RBPMS: variants seen among roughly 807,000 people sequenced by gnomAD.
RBPMS encodes RNA binding protein, mRNA processing factor.
Under a neutral mutation model 26.8 loss-of-function variants are expected in RBPMS, and 7 were observed. The observed-to-expected ratio is 0.26, with a 90% CI of 0.15 to 0.49. RBPMS has a LOEUF of 0.49. Ranked by LOEUF, RBPMS falls within the 20% of genes least tolerant of loss-of-function variation. RBPMS has a pLI of 0.98. For synonymous variants in RBPMS, 96 were observed against 93.3 expected, an observed-to-expected ratio of 1.03 and a Z score of -0.17; for missense variants, 186 against 250.0, an observed-to-expected ratio of 0.74 and a Z score of 1.73.
At chr8:30,514,193 T>C (rs1171993015) in intron 5 of RBPMS, among the ~76,000 whole-genome samples, 2 of 152,188 alleles carry the variant, frequency 1.3e-5, no homozygotes, top group Non-Finnish European at 2.9e-5. Flanking sequence ...AGAATGTTTT[T>C]GATAAACAGG....
chr8:30,499,099 A>G (rs750969692), intron 4 of RBPMS, among the ~76,000 whole-genome samples: 2 of 152,138 alleles, frequency 1.3e-5, no homozygotes, highest in Non-Finnish European at 2.9e-5. Context: ...GAGCTTTTCC[A>G]TGGAGTAGAA....
chr8:30,534,119 C>T (rs1312042873), intron 5 of RBPMS, among the ~76,000 whole-genome samples: 1 of 135,484 alleles, frequency 7.4e-6, no homozygotes, highest in Non-Finnish European at 1.6e-5. Context: ...GGTGACAGCA[C>T]GAGACTCTCA....
At chr8:30,570,129 C>CATTT (rs900409717) in intron 8 of RBPMS, among the ~76,000 whole-genome samples, 1 of 152,234 alleles carries the variant, frequency 6.6e-6, no homozygotes, top group African/African-American at 2.4e-5. Flanking sequence ...TAAATATTCT[C>CATTT]ATTTCAGGAC....
intron 4 of RBPMS, among the ~76,000 whole-genome samples, chr8:30,492,411 C>A (rs1298457315): frequency 1.3e-5 from 2 of 152,054 alleles, no homozygotes; most frequent in Non-Finnish European, 2.9e-5. Flanking sequence ...TTAGTCCTTT[C>A]TTTAAAGAGC....
intron 6 of RBPMS, among the ~76,000 whole-genome samples, chr8:30,549,786 CT>C: frequency 9.1e-6 from 1 of 110,152 alleles, no homozygotes; most frequent in Non-Finnish European, 1.9e-5. Context: ...CTCTCTCTCT[CT>C]CTCTCTCTCC....
At chr8:30,385,468 A>C in intron 1 of RBPMS, 45 of 228,550 alleles carry the variant, frequency 2.0e-4, no homozygotes, top group Middle Eastern at 1.4e-3. Flanking sequence ...ACCTCAGATA[A>C]TCGGGACTCG....
chr8:30,522,368 T>C (rs1585752765), intron 5 of RBPMS, among the ~76,000 whole-genome samples: 2 of 150,296 alleles, frequency 1.3e-5, no homozygotes, highest in African/African-American at 4.9e-5. Flanking sequence ...TGTGGCTGGG[T>C]GGAGGGGATC....
At chr8:30,528,720 T>C (rs185221107) in intron 5 of RBPMS, among the ~76,000 whole-genome samples, 47 of 152,318 alleles carry the variant, frequency 3.1e-4, no homozygotes, top group Non-Finnish European at 5.7e-4. Context: ...GCTCAGAGTT[T>C]TTTAAATGTG....
At chr8:30,385,420 G>C (rs1343969078) in intron 1 of RBPMS, 4 of 338,368 alleles carry the variant, frequency 1.2e-5, no homozygotes, top group African/African-American at 4.3e-5. Flanking sequence ...TTGTTTGCCC[G>C]GGATTTATAA....
At chr8:30,437,023 C>T (rs925018242) in intron 1 of RBPMS, among the ~76,000 whole-genome samples, 4 of 151,006 alleles carry the variant, frequency 2.6e-5, no homozygotes, top group East Asian at 2.0e-4. Context: ...CCTGGGTTCA[C>T]GCCATTCTTC....
chr8:30,540,551 G>T (rs1042615946), intron 5 of RBPMS, among the ~76,000 whole-genome samples: 1 of 152,064 alleles, frequency 6.6e-6, no homozygotes, highest in Non-Finnish European at 1.5e-5. Flanking sequence ...TTAGCCTCCC[G>T]AGTAGTTGGA....
chr8:30,486,612 G>A (rs1450875637), intron 4 of RBPMS, among the ~76,000 whole-genome samples: 5 of 149,850 alleles, frequency 3.3e-5, no homozygotes, highest in African/African-American at 4.9e-5. Context: ...CAGCCTGGGC[G>A]ATGGAGTGAG....
chr8:30,438,367 G>A (rs1310703619), intron 1 of RBPMS, among the ~76,000 whole-genome samples: 3 of 152,182 alleles, frequency 2.0e-5, no homozygotes, highest in Non-Finnish European at 4.4e-5. Flanking sequence ...GAGACTGACC[G>A]TAAGTGGAAC....
At chr8:30,540,356 C>T (rs1220942015) in intron 5 of RBPMS, among the ~76,000 whole-genome samples, 3 of 152,020 alleles carry the variant, frequency 2.0e-5, no homozygotes, top group Non-Finnish European at 4.4e-5. Context: ...GTCTTATAGG[C>T]CATTACATGG....
At chr8:30,426,842 G>A (rs1563308211) in intron 1 of RBPMS, among the ~76,000 whole-genome samples, 1 of 152,106 alleles carries the variant, frequency 6.6e-6, no homozygotes, top group Non-Finnish European at 1.5e-5. Flanking sequence ...ATCCTCCCCA[G>A]AAAACACACA....
intron 1 of RBPMS, among the ~76,000 whole-genome samples, chr8:30,427,295 G>T (rs1811465426): frequency 6.6e-6 from 1 of 152,158 alleles, no homozygotes; most frequent in Non-Finnish European, 1.5e-5. Flanking sequence ...CTGCTTTATT[G>T]GCCATTCTTA....
chr8:30,509,598 G>C (rs904635073), intron 5 of RBPMS, among the ~76,000 whole-genome samples: 1 of 152,168 alleles, frequency 6.6e-6, no homozygotes, highest in African/African-American at 2.4e-5. Flanking sequence ...GTATCCCATG[G>C]TACAGAGCCC....
Position 30,385,075 on chromosome 8 carries a change from C to T in RBPMS, c.-18C>T. On this transcript the variant is annotated 5_prime_UTR_variant, in exon 1 of 9. Transcript: ENST00000397323. Reference sequence around the variant, plus strand: ...CGCGCCCCAGCCCTGCCCGGCCCGGCGAGGAAGGACCGGGAAGATGAACAA... The same window carrying T: ...CGCGCCCCAGCCCTGCCCGGCCCGGTGAGGAAGGACCGGGAAGATGAACAA... 1.3e-6 allele frequency: 2 copies of T among 1,505,408 alleles called. No individual in the cohort carries two copies. Among genetic ancestry groups the T allele is most frequent in the Non-Finnish European group, 1.8e-6 (2 of 1,126,600 alleles). 93.3% of individuals were successfully genotyped at this position (1,505,408 alleles called of 1,614,324 possible).
intron 1 of RBPMS, among the ~76,000 whole-genome samples, chr8:30,457,616 G>A (rs1222224256): frequency 7.9e-6 from 1 of 126,758 alleles, no homozygotes; most frequent in East Asian, 2.5e-4. Flanking sequence ...TTTTTGAGAT[G>A]GAGTCTTGCT....
Sources: allele counts gnomAD v4.1 joint callset (sites outside exome capture counted in the v4.1 genomes callset), GRCh38; gene constraint gnomAD v4.1.1; transcripts MANE v1.5; gene names NCBI Gene and HGNC (gene_info 2026-07-23, HGNC 2026-07-21).